Variants in TENM2 observed in about 807,000 individuals in gnomAD.
TENM2 encodes the protein teneurin transmembrane protein 2.
TENM2 carries 52 observed loss-of-function variants against 245.2 expected under a neutral mutation model. The observed-to-expected ratio is 0.21, with a 90% CI of 0.17 to 0.27. TENM2 has a LOEUF of 0.27. Ranked by LOEUF, TENM2 falls within the 10% of genes least tolerant of loss-of-function variation. The pLI is 1.00. For missense variants in TENM2, 3,046 were observed against 3,666.8 expected (o/e 0.83, Z 4.37); for synonymous variants, 1,363 against 1,438.9 (o/e 0.95, Z 1.19).
intron 2 of TENM2, among the ~76,000 whole-genome samples, chr5:167,470,476 T>TTTTTTTTTG (rs1766952080): frequency 1.4e-5 from 2 of 144,630 alleles, no homozygotes; most frequent in Admixed American, 6.9e-5. Flanking sequence ...TTTTTTTTTT[T>TTTTTTTTTG]GCTTATGGAA....
chr5:168,163,162 GAT>G (rs1160004706), intron 13 of TENM2, among the ~76,000 whole-genome samples: 1 of 152,212 alleles, frequency 6.6e-6, no homozygotes, highest in Non-Finnish European at 1.5e-5. Context: ...AGCCCTTTGA[GAT>G]GTCACTCTAC....
chr5:167,511,660 A>G (rs1769964574), intron 2 of TENM2, among the ~76,000 whole-genome samples: 1 of 152,204 alleles, frequency 6.6e-6, no homozygotes, highest in African/African-American at 2.4e-5. Context: ...GCTCCAGTCA[A>G]TGGTCATGAC....
intron 2 of TENM2, among the ~76,000 whole-genome samples, chr5:167,621,452 G>A (rs1778167259): frequency 6.6e-6 from 1 of 152,116 alleles, no homozygotes; most frequent in Non-Finnish European, 1.5e-5. Flanking sequence ...GGAGAGGGAA[G>A]AGTAGCAGGA....
chr5:167,165,398 T>A, the TENM2 span: 1 of 152,264 alleles, frequency 6.6e-6, no homozygotes, highest in South Asian at 2.1e-4. Context: ...ATAAATGAGA[T>A]GATTTTCTTA....
the TENM2 span, among the ~76,000 whole-genome samples, chr5:167,056,543 A>T: frequency 6.8e-6 from 1 of 146,314 alleles, no homozygotes; most frequent in South Asian, 2.1e-4. Flanking sequence ...TATCTATAAA[A>T]TATATAAATA....
chr5:167,511,785 T>C (rs1453249756), intron 2 of TENM2, among the ~76,000 whole-genome samples: 1 of 152,200 alleles, frequency 6.6e-6, no homozygotes, highest in Non-Finnish European at 1.5e-5. Flanking sequence ...GGAGTGATGG[T>C]ATGCTTGCCA....
At chr5:167,534,272 G>A (rs978704603) in intron 2 of TENM2, among the ~76,000 whole-genome samples, 3 of 152,106 alleles carry the variant, frequency 2.0e-5, no homozygotes, top group Non-Finnish European at 2.9e-5. Flanking sequence ...TAAAATAGGC[G>A]TTCTAAGGGA....
chr5:167,799,033 CA>C (rs1402298996), intron 2 of TENM2, among the ~76,000 whole-genome samples: 1 of 152,132 alleles, frequency 6.6e-6, no homozygotes, highest in Non-Finnish European at 1.5e-5. Context: ...TGGCCTGGGA[CA>C]AAACTGTAAC....
chr5:167,911,505 C>T (rs532779850), intron 3 of TENM2, among the ~76,000 whole-genome samples: 4 of 152,098 alleles, frequency 2.6e-5, no homozygotes, highest in Non-Finnish European at 5.9e-5. Context: ...CCAGCCTGGG[C>T]GACAGAGCGA....
the TENM2 span, among the ~76,000 whole-genome samples, chr5:167,232,607 G>A: frequency 1.3e-5 from 2 of 152,108 alleles, no homozygotes; most frequent in African/African-American, 4.8e-5. Flanking sequence ...TCCTGACCTT[G>A]TGATCTGCCT....
At chr5:167,282,502 G>T (rs575100693), upstream of TENM2, among the ~76,000 whole-genome samples, 1 of 152,276 alleles carries the variant, frequency 6.6e-6, no homozygotes, top group South Asian at 2.1e-4. Flanking sequence ...CCCCTATGAT[G>T]TGTTAGATAG....
the TENM2 span, among the ~76,000 whole-genome samples, chr5:167,153,504 GA>G: frequency 6.6e-6 from 1 of 152,094 alleles, no homozygotes; most frequent in African/African-American, 2.4e-5. Context: ...AGGGGTGGAA[GA>G]GGGGGAGGAG....
At chr5:167,741,678 A>G (rs569793941) in intron 2 of TENM2, among the ~76,000 whole-genome samples, 11 of 152,306 alleles carry the variant, frequency 7.2e-5, no homozygotes, top group African/African-American at 2.6e-4. Context: ...CTTCTGGTTC[A>G]GCGACTCAGT....
chr5:168,039,851 C>T (rs1788030633), intron 5 of TENM2, among the ~76,000 whole-genome samples: 1 of 152,056 alleles, frequency 6.6e-6, no homozygotes, highest in South Asian at 2.1e-4. Flanking sequence ...GCAGTGTCAA[C>T]AGCACCCACC....
At chr5:168,073,968 A>G (rs2152137360) in intron 7 of TENM2, among the ~76,000 whole-genome samples, 2 of 152,274 alleles carry the variant, frequency 1.3e-5, no homozygotes, top group South Asian at 4.2e-4. Context: ...GCTAGTGGAC[A>G]CTAGCACCAA....
At chr5:168,162,843 C>T (rs1757872061) in intron 13 of TENM2, 86 bp downstream of exon 15, 2 of 1,428,192 alleles carry the variant, frequency 1.4e-6, no homozygotes, top group East Asian at 2.3e-5. Flanking sequence ...TCGGAAAGAC[C>T]TCCCCTGCAC....
At chr5:167,619,678 C>G (rs1478814765) in intron 2 of TENM2, among the ~76,000 whole-genome samples, 2 of 152,082 alleles carry the variant, frequency 1.3e-5, no homozygotes, top group Admixed American at 1.3e-4. Flanking sequence ...AAGCACTGGC[C>G]CTCCTGCTAA....
chr5:167,032,829 A>G, the TENM2 span, among the ~76,000 whole-genome samples: 1 of 152,028 alleles, frequency 6.6e-6, no homozygotes, highest in East Asian at 1.9e-4. Flanking sequence ...TACATACCTT[A>G]TTTCTAACTC....
At chr5:167,772,530 C>T (rs757494067) in intron 2 of TENM2, among the ~76,000 whole-genome samples, 1 of 152,116 alleles carries the variant, frequency 6.6e-6, no homozygotes, top group African/African-American at 2.4e-5. Context: ...GCCAACTTCT[C>T]TCATTTTATG....
Sources: gnomAD v4.1 joint callset for allele counts (sites outside exome capture counted in the v4.1 genomes callset) on GRCh38, gnomAD v4.1.1 for gene constraint, MANE v1.5 for transcripts, NCBI Gene and HGNC (gene_info 2026-07-23, HGNC 2026-07-21) for gene names.